CCDC102B: variants seen among roughly 807,000 people sequenced by gnomAD.
The protein encoded by CCDC102B is coiled-coil domain-containing protein 102B.
A neutral mutation model predicts 57.4 loss-of-function variants in CCDC102B; 75 were observed. That is an observed-to-expected ratio of 1.31 (90% CI 1.08 to 1.58). The LOEUF (loss-of-function observed/expected upper bound fraction) is 1.58, where lower values mean the gene tolerates loss of function less well. Ranked by LOEUF, CCDC102B falls within the 40% of genes most tolerant of loss-of-function variation. The pLI, the probability that CCDC102B is intolerant of heterozygous loss-of-function variation, is 0.00. For synonymous variants in CCDC102B, 206 were observed against 201.9 expected, an observed-to-expected ratio of 1.02 and a Z score of -0.17; for missense variants, 636 against 582.6, an observed-to-expected ratio of 1.09 and a Z score of -0.94.
intron 6 of CCDC102B, among the ~76,000 whole-genome samples, chr18:68,966,039 G>T (rs959486500): frequency 1.3e-5 from 2 of 152,126 alleles, no homozygotes; most frequent in African/African-American, 4.8e-5. Context: ...GTCGAGGTAG[G>T]TTTATTGTCA....
At chr18:68,743,486 TC>T (rs770522149) in intron 2 of CCDC102B, among the ~76,000 whole-genome samples, 1 of 152,164 alleles carries the variant, frequency 6.6e-6, no homozygotes, top group Non-Finnish European at 1.5e-5. Context: ...AAGCTTAGAT[TC>T]ATTACATGGT....
At chr18:69,002,874 A>G (rs560698089) in intron 6 of CCDC102B, among the ~76,000 whole-genome samples, 23 of 152,278 alleles carry the variant, frequency 1.5e-4, no homozygotes, top group Middle Eastern at 3.4e-3. Context: ...GTCTGCCCAC[A>G]ACTAAATCAT....
At chr18:68,945,275 C>T (rs186160395) in intron 6 of CCDC102B, among the ~76,000 whole-genome samples, 1 of 152,166 alleles carries the variant, frequency 6.6e-6, no homozygotes, top group Admixed American at 6.6e-5. Context: ...TGAAAAGACA[C>T]TCAGTAACTA....
intron 2 of CCDC102B, among the ~76,000 whole-genome samples, chr18:68,749,176 T>C (rs954083526): frequency 2.0e-5 from 3 of 152,206 alleles, no homozygotes; most frequent in Non-Finnish European, 1.5e-5. Context: ...TTGGTTACTG[T>C]AGCCTTGTAG....
chr18:68,973,941 T>C (rs2145268245), intron 6 of CCDC102B, among the ~76,000 whole-genome samples: 1 of 152,208 alleles, frequency 6.6e-6, no homozygotes, highest in Admixed American at 6.5e-5. Flanking sequence ...CCACGGCATC[T>C]TAGCGGCTGC....
intron 1 of CCDC102B, among the ~76,000 whole-genome samples, chr18:68,826,634 G>A (rs2036914067): frequency 6.6e-6 from 1 of 152,022 alleles, no homozygotes; most frequent in South Asian, 2.1e-4. Context: ...TTAGAAGTGT[G>A]TCTATATTTT....
chr18:68,815,377 A>G (rs1004748513), intron 1 of CCDC102B, among the ~76,000 whole-genome samples: 1 of 152,222 alleles, frequency 6.6e-6, no homozygotes, highest in Admixed American at 6.5e-5. Flanking sequence ...CATTGGGGCA[A>G]TGGTAAACTG....
chr18:68,978,587 G>T (rs546842588), intron 6 of CCDC102B, among the ~76,000 whole-genome samples: 2 of 151,796 alleles, frequency 1.3e-5, no homozygotes, highest in Non-Finnish European at 2.9e-5. Context: ...GGAAACAATC[G>T]TAAACATAAA....
At chr18:68,810,912 T>C (rs2036238367) in intron 1 of CCDC102B, among the ~76,000 whole-genome samples, 1 of 152,092 alleles carries the variant, frequency 6.6e-6, no homozygotes, top group Non-Finnish European at 1.5e-5. Context: ...TGTTTTCTCA[T>C]TGTTCAGCTC....
At chr18:68,909,394 T>C (rs1170862218) in intron 6 of CCDC102B, among the ~76,000 whole-genome samples, 1 of 152,218 alleles carries the variant, frequency 6.6e-6, no homozygotes, top group African/African-American at 2.4e-5. Context: ...GGAAGTTCTA[T>C]ATTCACTGTG....
chr18:68,933,401 A>G (rs1288856494), intron 6 of CCDC102B, among the ~76,000 whole-genome samples: 3 of 151,898 alleles, frequency 2.0e-5, no homozygotes, highest in African/African-American at 7.2e-5. Context: ...TTTGGAGGCC[A>G]AATATTCTTA....
chr18:68,864,085 G>T (rs563783421), intron 4 of CCDC102B, among the ~76,000 whole-genome samples: 2 of 151,840 alleles, frequency 1.3e-5, no homozygotes, highest in Non-Finnish European at 2.9e-5. Context: ...GGAAAGACTG[G>T]GAAACGTTGT....
intron 6 of CCDC102B, among the ~76,000 whole-genome samples, chr18:68,903,852 T>C (rs1337625027): frequency 6.6e-6 from 1 of 152,174 alleles, no homozygotes; most frequent in Non-Finnish European, 1.5e-5. Flanking sequence ...AGGAAACTGA[T>C]GAATTCATCT....
intron 7 of CCDC102B, among the ~76,000 whole-genome samples, chr18:69,011,589 A>C (rs1432454740): frequency 6.6e-6 from 1 of 151,952 alleles, no homozygotes; most frequent in African/African-American, 2.4e-5. Flanking sequence ...AATTCCTGGA[A>C]GATAGATATC....
chr18:68,940,679 G>A (rs534970939), intron 6 of CCDC102B, among the ~76,000 whole-genome samples: 2 of 146,316 alleles, frequency 1.4e-5, no homozygotes, highest in East Asian at 3.9e-4. Flanking sequence ...AGCTTTGCAG[G>A]TAAGGTAATT....
intron 6 of CCDC102B, among the ~76,000 whole-genome samples, chr18:68,966,203 A>G (rs958653860): frequency 6.6e-6 from 1 of 152,038 alleles, no homozygotes; most frequent in Non-Finnish European, 1.5e-5. Context: ...CTTCAAGTTT[A>G]TGATTCTTTT....
intron 4 of CCDC102B, among the ~76,000 whole-genome samples, chr18:68,861,127 T>C (rs573934949): frequency 4.1e-5 from 2 of 48,336 alleles, no homozygotes; most frequent in Admixed American, 2.0e-4. Flanking sequence ...CTATCATTAT[T>C]AAAACATAAT....
chr18:68,780,373 T>G (rs2034966224), intron 2 of CCDC102B, among the ~76,000 whole-genome samples: 1 of 152,094 alleles, frequency 6.6e-6, no homozygotes, highest in Non-Finnish European at 1.5e-5. Context: ...ATTTTAATTT[T>G]GGGGAACTGC....
At chr18:68,932,206 A>G (rs1395151850) in intron 6 of CCDC102B, among the ~76,000 whole-genome samples, 1 of 151,804 alleles carries the variant, frequency 6.6e-6, no homozygotes, top group Middle Eastern at 3.2e-3. Context: ...CAGTATTTCC[A>G]TGAATTTAGT....
Sources: gnomAD v4.1 joint callset for allele counts (sites outside exome capture counted in the v4.1 genomes callset) on GRCh38, gnomAD v4.1.1 for gene constraint, MANE v1.5 for transcripts, NCBI Gene and HGNC (gene_info 2026-07-23, HGNC 2026-07-21) for gene names.